IGSF21: variants seen among roughly 807,000 people sequenced by gnomAD.
The protein encoded by IGSF21 is immunoglobin superfamily member 21, also known as immunoglobulin superfamily member 21.
A neutral mutation model predicts 46.8 loss-of-function variants in IGSF21; 28 were observed. The observed-to-expected ratio is 0.60, with a 90% CI of 0.44 to 0.82. IGSF21 has a LOEUF of 0.82. Ranked by LOEUF, IGSF21 falls within the 40% of genes least tolerant of loss-of-function variation. IGSF21 has a pLI of 0.00. For missense variants in IGSF21, 624 were observed against 665.5 expected (o/e 0.94, Z 0.69); for synonymous variants, 284 against 273.6 (o/e 1.04, Z -0.38).
intron 4 of IGSF21, among the ~76,000 whole-genome samples, chr1:18,350,153 G>A (rs1457033615): frequency 1.3e-5 from 2 of 152,134 alleles, no homozygotes; most frequent in African/African-American, 4.8e-5. Flanking sequence ...TTGGCCACAG[G>A]CAGAGAGGGA....
At chr1:18,233,390 T>C (rs1231118075) in intron 2 of IGSF21, among the ~76,000 whole-genome samples, 1 of 152,158 alleles carries the variant, frequency 6.6e-6, no homozygotes, top group Non-Finnish European at 1.5e-5. Flanking sequence ...TGGGACCATT[T>C]GAAAAGGAAT....
chr1:18,164,148 T>C (rs975651099), intron 1 of IGSF21, among the ~76,000 whole-genome samples: 6 of 152,212 alleles, frequency 3.9e-5, no homozygotes, highest in Non-Finnish European at 8.8e-5. Flanking sequence ...GACTGCTCCC[T>C]TGTACAGATG....
intron 1 of IGSF21, among the ~76,000 whole-genome samples, chr1:18,138,875 A>G (rs1438778160): frequency 6.6e-6 from 1 of 152,174 alleles, no homozygotes; most frequent in Non-Finnish European, 1.5e-5. Flanking sequence ...TCCTCTTTTT[A>G]CAGATGAGGA....
chr1:18,284,370 G>A (rs893550222), intron 2 of IGSF21, among the ~76,000 whole-genome samples: 1 of 152,196 alleles, frequency 6.6e-6, no homozygotes, highest in Admixed American at 6.5e-5. Context: ...TCCCATGCTA[G>A]GCTCCTGGGA....
At chr1:18,284,416 T>G (rs2085192837) in intron 2 of IGSF21, among the ~76,000 whole-genome samples, 1 of 152,246 alleles carries the variant, frequency 6.6e-6, no homozygotes, top group Non-Finnish European at 1.5e-5. Flanking sequence ...ACTTGATAGT[T>G]GCATGGCAGA....
chr1:18,276,980 G>A (rs1337214705), intron 2 of IGSF21, among the ~76,000 whole-genome samples: 2 of 152,164 alleles, frequency 1.3e-5, no homozygotes, highest in African/African-American at 4.8e-5. Context: ...AATAAATGCT[G>A]GTTCAACAAA....
intron 2 of IGSF21, among the ~76,000 whole-genome samples, chr1:18,278,536 TTTGTTTG>T (rs2085126863): frequency 4.4e-5 from 5 of 113,260 alleles, no homozygotes; most frequent in South Asian, 3.0e-4. Context: ...GTTTTTTTTG[TTTGTTTG>T]TTTGTTTGTT....
At position 18,113,863 on chromosome 1, in the gene IGSF21, C is replaced by T. The variant is rs980324251; in HGVS notation, c.70+5665C>T. 2.0e-5 allele frequency: 3 copies of T among 152,304 alleles called. No homozygotes were observed. The South Asian group carries it at 6.2e-4, about 32-fold the overall frequency. The allele number at this position is 152,304 out of a possible 1,614,324, so 9.4% of individuals were successfully genotyped here. A position where few individuals can be genotyped will look rare whatever the true frequency, so the allele number is the denominator to read the frequency against. On this transcript the variant is annotated intron_variant, in intron 1 of 9. Transcript: ENST00000251296. ...CAGGCATTACAAGCAGAGCTCTTAGCTCAGTCCCGTGGGCTCTGATGCTTG... is the reference window on the plus strand; with the variant it reads ...CAGGCATTACAAGCAGAGCTCTTAGTTCAGTCCCGTGGGCTCTGATGCTTG...
chr1:18,352,835 C>T (rs1273045359), intron 4 of IGSF21, among the ~76,000 whole-genome samples: 3 of 152,190 alleles, frequency 2.0e-5, no homozygotes, highest in African/African-American at 7.2e-5. Context: ...TGCTTCCAGG[C>T]ACCTCCCTGC....
chr1:18,214,585 G>T (rs2084423627), intron 1 of IGSF21, among the ~76,000 whole-genome samples: 1 of 152,192 alleles, frequency 6.6e-6, no homozygotes, highest in African/African-American at 2.4e-5. Context: ...ATAAAGAAAA[G>T]AGGTTTAATT....
chr1:18,252,892 C>T (rs113149161), intron 2 of IGSF21, among the ~76,000 whole-genome samples: 120 of 152,280 alleles, frequency 7.9e-4, no homozygotes, highest in African/African-American at 2.6e-3. Flanking sequence ...ATGCCAGCCT[C>T]GCCAGGTTGT....
At chr1:18,377,328 C>A in intron 8 of IGSF21, 65 bp from the exon 9 acceptor site, 2 of 1,401,218 alleles carry the variant, frequency 1.4e-6, no homozygotes, top group Non-Finnish European at 2.0e-6. Context: ...GGGTAAAGGG[C>A]CATTCCTTCC....
At chr1:18,277,341 T>G (rs2085112029) in intron 2 of IGSF21, among the ~76,000 whole-genome samples, 2 of 152,190 alleles carry the variant, frequency 1.3e-5, no homozygotes, top group East Asian at 3.9e-4. Flanking sequence ...CACGGAGCAC[T>G]TGGTCCTGAC....
intron 2 of IGSF21, among the ~76,000 whole-genome samples, chr1:18,272,859 C>T (rs188882063): frequency 1.3e-5 from 2 of 152,230 alleles, no homozygotes; most frequent in Admixed American, 1.3e-4. Flanking sequence ...TGCATTCAAA[C>T]CCCTCAGATG....
chr1:18,359,375 AAAGAAAGAAAGGAAGGAAGG>A (rs1438252941), intron 4 of IGSF21, among the ~76,000 whole-genome samples: 108 of 97,130 alleles, frequency 1.1e-3, no homozygotes, highest in African/African-American at 3.4e-3. Context: ...AGAAAGAAAG[AAAGAAAGAAAGGAAGGAAGG>A]AAGGAAGGAA....
At chr1:18,314,637 G>T (rs1187616112) in intron 3 of IGSF21, among the ~76,000 whole-genome samples, 1 of 152,174 alleles carries the variant, frequency 6.6e-6, no homozygotes, top group African/African-American at 2.4e-5. Context: ...ACTTGCCTGA[G>T]ACCACACAGA....
chr1:18,137,283 T>G (rs2086375144), intron 1 of IGSF21, among the ~76,000 whole-genome samples: 2 of 152,160 alleles, frequency 1.3e-5, no homozygotes, highest in Non-Finnish European at 2.9e-5. Context: ...GGGATGGTGT[T>G]AAATCATTCA....
chr1:18,155,851 A>G (rs900602689), intron 1 of IGSF21, among the ~76,000 whole-genome samples: 15 of 152,254 alleles, frequency 9.9e-5, no homozygotes, highest in Non-Finnish European at 8.8e-5. Flanking sequence ...CCATGCTCCC[A>G]TCCCTGCGGG....
chr1:18,352,369 T>C (rs1321562528), intron 4 of IGSF21, among the ~76,000 whole-genome samples: 1 of 152,130 alleles, frequency 6.6e-6, no homozygotes, highest in Non-Finnish European at 1.5e-5. Flanking sequence ...GATTAGAATC[T>C]CAGGACTTGT....
Sources: gnomAD v4.1 joint callset for allele counts (sites outside exome capture counted in the v4.1 genomes callset) on GRCh38, gnomAD v4.1.1 for gene constraint, MANE v1.5 for transcripts, NCBI Gene and HGNC (gene_info 2026-07-23, HGNC 2026-07-21) for gene names.